The following TSPAN8 variants were observed in gnomAD, a reference collection of about 807,000 sequenced individuals.
The protein encoded by TSPAN8 is tetraspanin 8.
Under a neutral mutation model 32.8 loss-of-function variants are expected in TSPAN8, and 21 were observed. The observed-to-expected ratio is 0.64, with a 90% CI of 0.45 to 0.92. The LOEUF (loss-of-function observed/expected upper bound fraction) is 0.92. Ranked by LOEUF, TSPAN8 falls within the 40% of genes least tolerant of loss-of-function variation. TSPAN8 has a pLI of 0.00. For missense variants in TSPAN8, 269 were observed against 281.9 expected, an observed-to-expected ratio of 0.95 and a Z score of 0.33; for synonymous variants, 95 against 94.6, an observed-to-expected ratio of 1.00 and a Z score of -0.03.
At chr12:71,149,415 A>T (rs1253899204) in intron 2 of TSPAN8, among the ~76,000 whole-genome samples, 3 of 151,998 alleles carry the variant, frequency 2.0e-5, no homozygotes, top group Non-Finnish European at 1.5e-5. Flanking sequence ...CTTTACAAGC[A>T]TGGCCTGATG....
At chr12:71,143,543 T>C (rs928619806) in intron 3 of TSPAN8, among the ~76,000 whole-genome samples, 4 of 152,144 alleles carry the variant, frequency 2.6e-5, no homozygotes, top group Non-Finnish European at 5.9e-5. Flanking sequence ...CTTATACATA[T>C]AGCAATAATC....
chr12:71,151,687 C>G (rs958959172), intron 2 of TSPAN8, among the ~76,000 whole-genome samples: 9 of 152,210 alleles, frequency 5.9e-5, no homozygotes, highest in Non-Finnish European at 1.3e-4. Flanking sequence ...CAAATGACAG[C>G]CCACAAGCCA....
chr12:71,139,281 T>C (rs1216709659), intron 4 of TSPAN8: 2 of 461,518 alleles, frequency 4.3e-6, no homozygotes, highest in African/African-American at 4.0e-5. Flanking sequence ...TTTCCTACCC[T>C]CACTCATACA....
intron 8 of TSPAN8, among the ~76,000 whole-genome samples, chr12:71,127,782 C>A (rs1871392223): frequency 6.6e-6 from 1 of 152,132 alleles, no homozygotes; most frequent in Non-Finnish European, 1.5e-5. Flanking sequence ...TCAACCTCCC[C>A]AATCAAGTAT....
intron 2 of TSPAN8, 124 bp downstream of exon 2, chr12:71,157,495 T>C (rs895974718): frequency 5.2e-5 from 35 of 669,784 alleles, no homozygotes; most frequent in Middle Eastern, 8.6e-4. Context: ...TCCAAACAAG[T>C]ACATGGAAAA....
intron 4 of TSPAN8, 103 bp downstream of exon 4, chr12:71,139,608 G>C (rs945523008): frequency 6.4e-6 from 9 of 1,415,376 alleles, no homozygotes; most frequent in African/African-American, 2.8e-5. Context: ...GTTGGAGTTA[G>C]AGTTTCATCA....
chr12:71,135,903 G>T lies in TSPAN8; in HGVS notation c.444+2050C>A, dbSNP rs573103025. Among the ~76,000 whole-genome samples the T allele has an allele frequency of 4.5e-4, 68 of 152,266 alleles. 1 individual carries two copies. In the South Asian group the frequency reaches 0.014, roughly 31 times the overall value. On this transcript the variant is annotated intron_variant, in intron 6 of 8. Transcript: ENST00000247829. ...TAAGCCTGTTTTAAGCTGGGCTCTA[G>T]AGTAAGAATGATCCCGGAAAGAAGA...
intron 2 of TSPAN8, among the ~76,000 whole-genome samples, chr12:71,149,730 C>T (rs28376987): frequency 0.011 from 1,622 of 152,324 alleles, 35 homozygotes; most frequent in African/African-American, 0.037. Context: ...TGAGGATGTA[C>T]GTCACCTCAG....
intron 3 of TSPAN8, among the ~76,000 whole-genome samples, chr12:71,140,481 T>C (rs1332142524): frequency 2.6e-5 from 4 of 152,168 alleles, no homozygotes; most frequent in African/African-American, 9.7e-5. Flanking sequence ...TGTATCCTCA[T>C]TAAAAAGAAA....
intron 2 of TSPAN8, among the ~76,000 whole-genome samples, chr12:71,156,743 G>A (rs1872456299): frequency 6.6e-6 from 1 of 152,150 alleles, no homozygotes; most frequent in Admixed American, 6.5e-5. Context: ...CCTTGGAGTG[G>A]ATAAGGTAGC....
chr12:71,151,794 T>C (rs745608468), intron 2 of TSPAN8, among the ~76,000 whole-genome samples: 1 of 152,192 alleles, frequency 6.6e-6, no homozygotes, highest in Admixed American at 6.5e-5. Flanking sequence ...CTTAATCACC[T>C]GGAGGAAAAG....
chr12:71,126,157 A>G (rs1397573), intron 8 of TSPAN8, among the ~76,000 whole-genome samples: 125,006 of 152,032 alleles, frequency 0.82, 51,590 homozygotes, highest in Admixed American at 0.87. Flanking sequence ...GGATGGAGGA[A>G]GGCAAAGTGA....
chr12:71,151,685 A>C (rs1221256681), intron 2 of TSPAN8, among the ~76,000 whole-genome samples: 18 of 152,272 alleles, frequency 1.2e-4, no homozygotes, highest in Admixed American at 1.2e-3. Context: ...TACAAATGAC[A>C]GCCCACAAGC....
At position 71,157,967 on chromosome 12, in the gene TSPAN8, T is replaced by A. The variant is rs1462542643; in HGVS notation, c.-147A>T. 5 of 376,032 alleles carry A rather than the reference T, an allele frequency of 1.3e-5. No individual in the cohort carries two copies. Among genetic ancestry groups the A allele is most frequent in the Non-Finnish European group, 2.4e-5 (5 of 206,882 alleles). 23.3% of individuals were successfully genotyped at this position (376,032 alleles called of 1,614,324 possible). ...CGCAAAGGCTATCTCCAGGCAAGTATGTTCCTTTGCTTGTCATAGCTCCTG... is the reference window on the plus strand; with the variant it reads ...CGCAAAGGCTATCTCCAGGCAAGTAAGTTCCTTTGCTTGTCATAGCTCCTG... On this transcript the variant is annotated 5_prime_UTR_variant, in exon 1 of 9. Coordinates refer to ENST00000247829, the MANE Select transcript of TSPAN8 (RefSeq NM_004616.3).
intron 8 of TSPAN8, among the ~76,000 whole-genome samples, chr12:71,125,870 T>TA (rs71437167): frequency 0.32 from 49,394 of 152,020 alleles, 8,913 homozygotes; most frequent in Non-Finnish European, 0.42. Context: ...CCAAGAGGAA[T>TA]AAAAAATGAA....
intron 8 of TSPAN8, 139 bp from the exon 9 acceptor site, chr12:71,125,526 G>T: frequency 1.5e-6 from 1 of 670,490 alleles, no homozygotes; most frequent in Non-Finnish European, 2.4e-6. Context: ...TCTCTCTTGG[G>T]AAATTAGAGG....
chr12:71,150,533 C>A (rs1194412271), intron 2 of TSPAN8, among the ~76,000 whole-genome samples: 1 of 152,154 alleles, frequency 6.6e-6, no homozygotes. Context: ...CCCCCGGCAG[C>A]CCAGCTGTAA....
chr12:71,132,936 A>G, intron 6 of TSPAN8, 112 bp from the exon 7 acceptor site: 2 of 1,235,810 alleles, frequency 1.6e-6, no homozygotes, highest in South Asian at 2.8e-5. Flanking sequence ...ATGCTAAAAT[A>G]CCATGTAAGT....
At chr12:71,135,031 T>G (rs1304752256) in intron 6 of TSPAN8, among the ~76,000 whole-genome samples, 2 of 152,118 alleles carry the variant, frequency 1.3e-5, no homozygotes, top group Non-Finnish European at 1.5e-5. Context: ...AACAGGGAAT[T>G]TGTGCGGGAA....
Sources: allele counts gnomAD v4.1 joint callset (sites outside exome capture counted in the v4.1 genomes callset), GRCh38; gene constraint gnomAD v4.1.1; transcripts MANE v1.5; gene names NCBI Gene and HGNC (gene_info 2026-07-23, HGNC 2026-07-21).